The following DPP10 variants were observed in gnomAD, a reference collection of about 807,000 sequenced individuals.
The protein encoded by DPP10 is inactive dipeptidyl peptidase 10.
DPP10 carries 33 observed loss-of-function variants against 120.9 expected under a neutral mutation model. The observed-to-expected ratio is 0.27, with a 90% CI of 0.21 to 0.37. The LOEUF (loss-of-function observed/expected upper bound fraction) is 0.37. Ranked by LOEUF, DPP10 falls within the 10% of genes least tolerant of loss-of-function variation. The probability of loss-of-function intolerance (pLI) is 1.00; values close to 1 mark genes in which losing one functional copy is unlikely to be tolerated. For synonymous variants in DPP10, 337 were observed against 326.1 expected (o/e 1.03, Z -0.36); for missense variants, 816 against 942.8 (o/e 0.87, Z 1.76).
chr2:115,321,410 T>TTA (rs1055802748), intron 2 of DPP10, among the ~76,000 whole-genome samples: 223 of 152,218 alleles, frequency 1.5e-3, no homozygotes, highest in African/African-American at 5.0e-3. Context: ...TGAGAATCCC[T>TTA]TATATATATC....
intron 1 of DPP10, among the ~76,000 whole-genome samples, chr2:114,628,937 C>T (rs1694714485): frequency 6.6e-6 from 1 of 152,248 alleles, no homozygotes; most frequent in Non-Finnish European, 1.5e-5. Flanking sequence ...TGTCAAATCT[C>T]ACTTTTTCCC....
At chr2:115,244,897 A>T (rs1291356857) in intron 1 of DPP10, among the ~76,000 whole-genome samples, 1 of 151,172 alleles carries the variant, frequency 6.6e-6, no homozygotes, top group Non-Finnish European at 1.5e-5. Flanking sequence ...TCTGTTACAT[A>T]GATAAGTTCT....
intron 1 of DPP10, among the ~76,000 whole-genome samples, chr2:114,570,216 A>C (rs185456862): frequency 1.6e-4 from 25 of 152,288 alleles, no homozygotes; most frequent in Non-Finnish European, 2.9e-4. Context: ...CAGGTTTGTC[A>C]CCAAAGACTT....
chr2:115,239,580 G>A (rs2058168863), intron 1 of DPP10, among the ~76,000 whole-genome samples: 1 of 152,108 alleles, frequency 6.6e-6, no homozygotes, highest in African/African-American at 2.4e-5. Context: ...TTGCACACTA[G>A]TAGACCACAG....
intron 1 of DPP10, among the ~76,000 whole-genome samples, chr2:114,898,986 T>C (rs1693302222): frequency 1.3e-5 from 2 of 152,098 alleles, no homozygotes; most frequent in African/African-American, 2.4e-5. Context: ...GTTTTAGTAG[T>C]TGGGAATCTC....
At chr2:115,527,504 C>T (rs2078203831) in intron 5 of DPP10, among the ~76,000 whole-genome samples, 1 of 152,094 alleles carries the variant, frequency 6.6e-6, no homozygotes, top group South Asian at 2.1e-4. Context: ...ACCAAAAGCA[C>T]AGTCCAAAGG....
intron 1 of DPP10, among the ~76,000 whole-genome samples, chr2:115,093,919 A>T (rs576334519): frequency 6.6e-6 from 1 of 152,226 alleles, no homozygotes; most frequent in Non-Finnish European, 1.5e-5. Flanking sequence ...CATTAAAAAA[A>T]CTATTTTTTT....
rs570709730 is a variant in DPP10 at position 114,464,101 on chromosome 2, C to G, written c.60+21263C>G. The stretch of plus-strand genomic sequence containing the variant: ...TATAAATAAAACTTCTAGAAACATT[C>G]AGGTGCAGGTTTTTGTGTGGACATA... On this transcript the variant is annotated intron_variant, in intron 1 of 25. Transcript: ENST00000410059. Among the ~76,000 whole-genome samples the G allele has an allele frequency of 2.0e-5, 3 of 152,136 alleles. No homozygotes were observed. In the East Asian group the frequency reaches 5.8e-4, roughly 29 times the overall value.
intron 1 of DPP10, among the ~76,000 whole-genome samples, chr2:114,904,619 G>A (rs1380263772): frequency 6.6e-6 from 1 of 152,150 alleles, no homozygotes; most frequent in Non-Finnish European, 1.5e-5. Context: ...CCAATGGTGT[G>A]ACTGGACTAT....
intron 5 of DPP10, among the ~76,000 whole-genome samples, chr2:115,646,155 ATTAT>A (rs1164745039): frequency 1.3e-5 from 2 of 151,944 alleles, no homozygotes; most frequent in Non-Finnish European, 2.9e-5. Flanking sequence ...CCTCCTATTT[ATTAT>A]TTTATTCAAC....
intron 1 of DPP10, among the ~76,000 whole-genome samples, chr2:114,494,096 T>G (rs938799853): frequency 6.6e-5 from 1 of 15,168 alleles, no homozygotes; most frequent in Non-Finnish European, 1.3e-4. Flanking sequence ...AAGACAGCAA[T>G]AAGGCAAAAA....
intron 3 of DPP10, among the ~76,000 whole-genome samples, chr2:115,394,930 T>A (rs889944772): frequency 1.3e-5 from 2 of 152,166 alleles, no homozygotes; most frequent in Non-Finnish European, 2.9e-5. Flanking sequence ...ATAAGAGAGT[T>A]CAAGAATAAG....
At chr2:115,354,874 A>G (rs1416087516) in intron 3 of DPP10, among the ~76,000 whole-genome samples, 2 of 152,176 alleles carry the variant, frequency 1.3e-5, no homozygotes. Flanking sequence ...TGCAAAGCAC[A>G]TAATCTCATT....
intron 5 of DPP10, among the ~76,000 whole-genome samples, chr2:115,627,360 G>T (rs982122329): frequency 4.6e-5 from 7 of 152,010 alleles, no homozygotes; most frequent in South Asian, 2.1e-4. Context: ...CTCAGCTAGG[G>T]GAGGAGAGCA....
chr2:115,524,485 A>T (rs961517336), intron 4 of DPP10, among the ~76,000 whole-genome samples: 1 of 152,066 alleles, frequency 6.6e-6, no homozygotes, highest in African/African-American at 2.4e-5. Context: ...CACCCTCCCA[A>T]TGCATCCATA....
chr2:115,733,368 G>C (rs1459999495), intron 8 of DPP10, among the ~76,000 whole-genome samples: 1 of 152,138 alleles, frequency 6.6e-6, no homozygotes, highest in South Asian at 2.1e-4. Flanking sequence ...AGGAAGGCAG[G>C]GTTATCAGTA....
intron 3 of DPP10, among the ~76,000 whole-genome samples, chr2:115,474,085 C>T (rs1216703680): frequency 6.6e-6 from 1 of 152,168 alleles, no homozygotes; most frequent in Non-Finnish European, 1.5e-5. Context: ...CAATATCTAA[C>T]AATCCCTATA....
chr2:114,678,399 T>A (rs2105688435), intron 1 of DPP10, among the ~76,000 whole-genome samples: 1 of 152,170 alleles, frequency 6.6e-6, no homozygotes, highest in African/African-American at 2.4e-5. Flanking sequence ...GTGGGAAAAG[T>A]TCTATGGGGA....
chr2:115,489,337 C>T (rs971884792), intron 3 of DPP10, among the ~76,000 whole-genome samples: 3 of 151,624 alleles, frequency 2.0e-5, no homozygotes, highest in Admixed American at 6.6e-5. Flanking sequence ...ACCCTAAGGC[C>T]CCCAACAGAC....
Sources: allele counts gnomAD v4.1 joint callset (sites outside exome capture counted in the v4.1 genomes callset), GRCh38; gene constraint gnomAD v4.1.1; transcripts MANE v1.5; gene names NCBI Gene and HGNC (gene_info 2026-07-23, HGNC 2026-07-21).